The following SPPL2A variants were observed in gnomAD, a reference collection of about 807,000 sequenced individuals.
SPPL2A encodes signal peptide peptidase-like 2A.
In SPPL2A, 51 loss-of-function variants were observed where a neutral mutation model predicts 63.8. The observed-to-expected ratio is 0.80, with a 90% CI of 0.64 to 1.01. The LOEUF is 1.01. SPPL2A is among the 50% of genes least tolerant of loss of function. The pLI is 0.00. For missense variants in SPPL2A, 553 were observed against 622.7 expected (o/e 0.89, Z 1.19); for synonymous variants, 188 against 205.8 (o/e 0.91, Z 0.74).
At chr15:50,715,532 C>T (rs12595082) in intron 14 of SPPL2A, among the ~76,000 whole-genome samples, 25,548 of 141,116 alleles carry the variant, frequency 0.18, 2,722 homozygotes, top group East Asian at 0.48. Flanking sequence ...CAACTATTTC[C>T]AGTATGAGTT....
intron 5 of SPPL2A, among the ~76,000 whole-genome samples, chr15:50,741,084 C>CTAA (rs79780657): frequency 0.029 from 4,386 of 152,190 alleles, 81 homozygotes; most frequent in Middle Eastern, 0.1. Flanking sequence ...GGCCACAGAG[C>CTAA]TAATAATAGA....
At chr15:50,718,310 C>T (rs1743285493) in intron 14 of SPPL2A, among the ~76,000 whole-genome samples, 1 of 151,982 alleles carries the variant, frequency 6.6e-6, no homozygotes, top group Non-Finnish European at 1.5e-5. Context: ...TGAGAATAGG[C>T]CTCTTTCCAA....
intron 6 of SPPL2A, among the ~76,000 whole-genome samples, chr15:50,738,463 C>T (rs1199800241): frequency 6.6e-6 from 1 of 151,184 alleles, no homozygotes; most frequent in Non-Finnish European, 1.5e-5. Flanking sequence ...GCAGGAGACT[C>T]ACTTGAACCT....
intron 1 of SPPL2A, 156 bp from the exon 2 acceptor site, chr15:50,749,902 G>A: frequency 4.9e-6 from 3 of 613,952 alleles, no homozygotes; most frequent in Non-Finnish European, 8.7e-6. Flanking sequence ...AAATAAAAAG[G>A]ATGGTTAGGA....
chr15:50,715,646 T>A (rs2062594255), intron 14 of SPPL2A, among the ~76,000 whole-genome samples: 1 of 152,200 alleles, frequency 6.6e-6, no homozygotes, highest in Non-Finnish European at 1.5e-5. Context: ...ACTCCCATTT[T>A]TACTTTAGAC....
At chr15:50,742,939 T>G (rs1049521633) in intron 5 of SPPL2A, 1 of 152,212 alleles carries the variant, frequency 6.6e-6, no homozygotes, top group Admixed American at 6.6e-5. Flanking sequence ...ACTCAAAGTG[T>G]GGTCCATAGG....
In SPPL2A at chr15:50,706,323, G is replaced by A. The variant is rs940203247; in HGVS notation, c.*1477C>T. The A allele has an allele frequency of 6.9e-6, 1 of 145,500 alleles. No individual in the cohort carries two copies. Among genetic ancestry groups the A allele is most frequent in the East Asian group, 2.0e-4 (1 of 4,882 alleles). The allele number at this position is 145,500 out of a possible 1,614,324, so 9.0% of individuals were successfully genotyped here. A position where few individuals can be genotyped will look rare whatever the true frequency, so the allele number is the denominator to read the frequency against. On this transcript the variant is annotated 3_prime_UTR_variant, in exon 15 of 15. Coordinates refer to ENST00000261854, the MANE Select transcript of SPPL2A (RefSeq NM_032802.4). ...GAGAATGGCGTGAACCCGGGAGGCG[G>A]AGCTTGCAGTGAGCCGAGATCCCGC...
At chr15:50,748,365 C>T (rs1386686927) in intron 3 of SPPL2A, among the ~76,000 whole-genome samples, 163 bp from the exon 4 acceptor site, 2 of 151,520 alleles carry the variant, frequency 1.3e-5, no homozygotes, top group African/African-American at 4.8e-5. Flanking sequence ...ATCCTTTTAA[C>T]ATGAACTTAA....
chr15:50,765,346 G>A, intron 1 of SPPL2A, 122 bp downstream of exon 1: 1 of 623,456 alleles, frequency 1.6e-6, no homozygotes, highest in Non-Finnish European at 2.6e-6. Flanking sequence ...AGGAGTGCGA[G>A]AGCAGGCCGC....
At chr15:50,714,875 G>A (rs2062589498) in intron 14 of SPPL2A, among the ~76,000 whole-genome samples, 1 of 152,024 alleles carries the variant, frequency 6.6e-6, no homozygotes, top group African/African-American at 2.4e-5. Flanking sequence ...CCTAGGAGGT[G>A]GAGGTTGCAG....
chr15:50,743,764 A>G (rs997717779), intron 5 of SPPL2A, among the ~76,000 whole-genome samples: 1 of 152,348 alleles, frequency 6.6e-6, no homozygotes, highest in East Asian at 1.9e-4. Context: ...AATCTATAAT[A>G]AATAGGAAAA....
chr15:50,765,648 G>T lies in SPPL2A; in HGVS notation c.-115C>A. On this transcript the variant is annotated 5_prime_UTR_variant, in exon 1 of 15. Coordinates refer to ENST00000261854, the MANE Select transcript of SPPL2A (RefSeq NM_032802.4). The stretch of plus-strand genomic sequence containing the variant: ...TGGCCGGACCGGACCGGACAGGCGC[G>T]GGCGGCCGGGCTACGACTGGACCGC... The T allele has an allele frequency of 1.6e-6, 1 of 644,260 alleles. No homozygotes were observed. The highest frequency in any genetic ancestry group is 2.3e-6 in the Non-Finnish European group (1 of 437,782). 39.9% of individuals were successfully genotyped at this position (644,260 alleles called of 1,614,324 possible).
Position 50,726,392 on chromosome 15 carries a change from G to GA in SPPL2A, c.1090-16dup. ...CTCTCACCATTCTAAAATTGAGAAG[G>GA]AAAAGAAGTTGTCTAATCATTTAAA... is the stretch of plus-strand genomic sequence containing the variant. On this transcript the variant is annotated splice_polypyrimidine_tract_variant and intron_variant, in intron 10 of 14. Coordinates refer to ENST00000261854, the MANE Select transcript of SPPL2A (RefSeq NM_032802.4). 1 of 1,611,766 alleles carries GA rather than the reference G, an allele frequency of 6.2e-7. No homozygotes were observed. Among genetic ancestry groups the GA allele is most frequent in the Non-Finnish European group, 8.5e-7 (1 of 1,178,028 alleles).
At chr15:50,752,657 G>T (rs915700419) in intron 1 of SPPL2A, among the ~76,000 whole-genome samples, 36 of 151,668 alleles carry the variant, frequency 2.4e-4, no homozygotes, top group African/African-American at 8.5e-4. Flanking sequence ...AGTGGAGGTT[G>T]CAGTGAGCCG....
chr15:50,718,104 T>C (rs1457041198), intron 14 of SPPL2A, among the ~76,000 whole-genome samples: 2 of 151,168 alleles, frequency 1.3e-5, no homozygotes, highest in Non-Finnish European at 2.9e-5. Context: ...CCCGAGTAGC[T>C]GGGACTACAA....
chr15:50,748,743 C>G lies in SPPL2A; in HGVS notation c.305G>C (p.Arg102Thr). The change falls in exon 3 of 15, where the codon AGA (arginine) becomes ACA (threonine). Residue 102 changes from arginine (R) to threonine (T), a missense_variant. Physicochemically the swap from Arg to Thr is moderately conservative, Grantham distance 71. Coordinates refer to ENST00000261854, the MANE Select transcript of SPPL2A (RefSeq NM_032802.4). ...WGSCHFLEKA[R>T]IAQKGGAEAM... ...TTCAGCACCTCCTTTCTGTGCAATT[C>G]TGGCTTTTTCAAGAAAATGGCAGCT... is the stretch of plus-strand genomic sequence containing the variant. 1 of 1,612,092 alleles carries G rather than the reference C, an allele frequency of 6.2e-7. No individual in the cohort carries two copies. Among genetic ancestry groups the G allele is most frequent in the Non-Finnish European group, 8.5e-7 (1 of 1,179,236 alleles).
chr15:50,744,710 A>C (rs2062845370), intron 5 of SPPL2A, among the ~76,000 whole-genome samples: 1 of 152,168 alleles, frequency 6.6e-6, no homozygotes, highest in Non-Finnish European at 1.5e-5. Flanking sequence ...CTCACTGTAT[A>C]ATTTTGGCCA....
rs1224960123 is a variant in SPPL2A at position 50,705,738 on chromosome 15, A to T, written c.*2062T>A. ...GCAATTTATTCAGCAAAAGCGAACA[A>T]TTTTTAAAAAGTCTCTAATGCAAAA... is the stretch of plus-strand genomic sequence containing the variant. On this transcript the variant is annotated 3_prime_UTR_variant, in exon 15 of 15. Transcript: ENST00000261854. 6.6e-6 allele frequency: 1 copy of T among 152,246 alleles called. No homozygotes were observed. Among genetic ancestry groups the T allele is most frequent in the African/African-American group, 2.4e-5 (1 of 41,464 alleles). 9.4% of individuals were successfully genotyped at this position (152,246 alleles called of 1,614,324 possible).
intron 14 of SPPL2A, among the ~76,000 whole-genome samples, chr15:50,712,679 C>CCCTTTT (rs35199045): frequency 9.7e-6 from 1 of 102,936 alleles, no homozygotes; most frequent in Admixed American, 1.0e-4. Flanking sequence ...CTCCCCCCCC[C>CCCTTTT]TTTTTTTTTT....
Sources: gnomAD v4.1 joint callset for allele counts (sites outside exome capture counted in the v4.1 genomes callset) on GRCh38, gnomAD v4.1.1 for gene constraint, MANE v1.5 for transcripts, NCBI Gene and HGNC (gene_info 2026-07-23, HGNC 2026-07-21) for gene names.